The following CNTNAP4 variants were observed in gnomAD, a reference collection of about 807,000 sequenced individuals.
CNTNAP4 encodes contactin associated protein family member 4, also known as contactin-associated protein-like 4.
In CNTNAP4, 98 loss-of-function variants were observed where a neutral mutation model predicts 148.4. The ratio of observed to expected loss-of-function variants is 0.66; its 90% confidence interval spans 0.56 to 0.78. CNTNAP4 has a LOEUF of 0.78. Among genes scored for constraint, CNTNAP4 ranks in the 30% least tolerant of loss-of-function variants. The probability of loss-of-function intolerance (pLI) is 0.00; values close to 1 mark genes in which losing one functional copy is unlikely to be tolerated. For synonymous variants in CNTNAP4, 730 were observed against 565.1 expected, an observed-to-expected ratio of 1.29 and a Z score of -4.14; for missense variants, 1,935 against 1,565.6, an observed-to-expected ratio of 1.24 and a Z score of -3.98.
At chr16:76,364,354 C>G (rs897046688) in intron 3 of CNTNAP4, among the ~76,000 whole-genome samples, 9 of 150,536 alleles carry the variant, frequency 6.0e-5, no homozygotes, top group Admixed American at 2.0e-4. Flanking sequence ...TTAAATGGAT[C>G]TGTTTGTAAG....
chr16:76,521,219 G>C lies in CNTNAP4; in HGVS notation c.2445G>C (p.Ala815=). 6.2e-7 allele frequency: 1 copy of C among 1,611,732 alleles called. No homozygotes were observed. ...CTACCTTCCACGGAGAACTTAGCGC[G>C]GATGTATCTTTCTTTTTTAAGACAA... ...HFPTFHGELS[A]DVSFFFKTTA... The change falls in exon 16 of 24, where the codon GCG becomes GCC. Residue 815 remains alanine, a synonymous_variant. Transcript: ENST00000611870.
intron 3 of CNTNAP4, among the ~76,000 whole-genome samples, chr16:76,364,030 A>G (rs562338367): frequency 6.6e-6 from 1 of 152,098 alleles, no homozygotes; most frequent in South Asian, 2.1e-4. Context: ...TGAGCCCAGG[A>G]GTTTGAGACC....
At chr16:76,395,846 A>G (rs1284097077) in intron 3 of CNTNAP4, among the ~76,000 whole-genome samples, 1 of 151,864 alleles carries the variant, frequency 6.6e-6, no homozygotes, top group African/African-American at 2.4e-5. Context: ...CTCCTGCCTC[A>G]GCCTCCCTAG....
intron 22 of CNTNAP4, 22 bp from the exon 23 acceptor site, chr16:76,553,814 C>T (rs1320680858): frequency 1.9e-6 from 3 of 1,559,206 alleles, no homozygotes; most frequent in Non-Finnish European, 2.6e-6. Context: ...CACCTTCCCC[C>T]TTTGTTGTGC....
chr16:76,517,208 G>A (rs181901897), intron 15 of CNTNAP4, among the ~76,000 whole-genome samples: 21 of 152,254 alleles, frequency 1.4e-4, no homozygotes, highest in South Asian at 4.1e-4. Flanking sequence ...TTAAAGAAGG[G>A]GTAAGGAGGG....
At chr16:76,451,302 T>A (rs924969402) in intron 7 of CNTNAP4, among the ~76,000 whole-genome samples, 1 of 152,144 alleles carries the variant, frequency 6.6e-6, no homozygotes, top group Admixed American at 6.5e-5. Context: ...AGCAGACAAG[T>A]AAGGGGATCC....
intron 8 of CNTNAP4, among the ~76,000 whole-genome samples, chr16:76,460,770 AAAAATATATAT>A (rs1257931255): frequency 5.3e-5 from 4 of 75,310 alleles, no homozygotes; most frequent in Non-Finnish European, 1.2e-4. Flanking sequence ...AAAAAAAAAA[AAAAATATATAT>A]ATATATATAT....
rs1176559121 is a variant in CNTNAP4 at position 76,451,946 on chromosome 16, G to A, written c.1072-562G>A. Among the ~76,000 whole-genome samples, 10 of 152,034 alleles carry A rather than the reference G, an allele frequency of 6.6e-5. No homozygotes were observed. The East Asian group carries it at 7.7e-4, about 12-fold the overall frequency. ...AAATGATGGACATCCCAATTATCCC[G>A]ATTTGCTCATTACGTATTATATATA... On this transcript the variant is annotated intron_variant, in intron 7 of 23. Coordinates refer to ENST00000611870, the MANE Select transcript of CNTNAP4 (RefSeq NM_033401.5).
chr16:76,365,785 C>T (rs1389395131), intron 3 of CNTNAP4, among the ~76,000 whole-genome samples: 1 of 148,032 alleles, frequency 6.8e-6, no homozygotes, highest in Non-Finnish European at 1.5e-5. Flanking sequence ...AGAGAATCAT[C>T]TGGGTAATTA....
intron 8 of CNTNAP4, among the ~76,000 whole-genome samples, chr16:76,460,934 G>A (rs1232283861): frequency 1.3e-5 from 2 of 151,028 alleles, no homozygotes; most frequent in East Asian, 1.9e-4. Flanking sequence ...TCCTGGGAGC[G>A]TCTGTCACAA....
intron 1 of CNTNAP4, among the ~76,000 whole-genome samples, chr16:76,293,122 C>T (rs1044164089): frequency 2.0e-5 from 3 of 151,614 alleles, no homozygotes; most frequent in Admixed American, 6.6e-5. Flanking sequence ...TTTCTTTTTT[C>T]TTTCTTTCTT....
Position 76,343,835 on chromosome 16 carries a change from A to G in CNTNAP4, c.197-11483A>G, listed in dbSNP as rs187888143. Among the ~76,000 whole-genome samples, 266 of 152,322 alleles carry G rather than the reference A, an allele frequency of 1.7e-3. 2 individuals carry two copies. The highest frequency in any genetic ancestry group is 6.2e-3 in the African/African-American group (259 of 41,578). On this transcript the variant is annotated intron_variant, in intron 2 of 23. Coordinates refer to ENST00000611870, the MANE Select transcript of CNTNAP4 (RefSeq NM_033401.5). ...AATCTAAATGTGTTAGTCCCCGGCA[A>G]AAGTAATGGTAATGTATCATGATTT...
At chr16:76,350,194 C>G (rs533653209) in intron 2 of CNTNAP4, among the ~76,000 whole-genome samples, 5 of 151,916 alleles carry the variant, frequency 3.3e-5, no homozygotes, top group Non-Finnish European at 7.4e-5. Context: ...TGTAATTACT[C>G]CAGGGGTAAA....
Position 76,489,785 on chromosome 16 carries a change from C to T in CNTNAP4, c.1982C>T (p.Ala661Val), listed in dbSNP as rs375479437. Reference protein sequence around the residue: ...NPYAGFFEYVASMEQLQATIN... With the variant: ...NPYAGFFEYVVSMEQLQATIN... ...TATGCTGGGTTTTTCGAGTATGTGG[C>T]CAGCATGGAGCAACTTCAGGCCACT... The change falls in exon 13 of 24, where the codon GCC becomes GTC. Residue 661 changes from alanine to valine, a missense_variant. By Grantham distance (64) the Ala-to-Val change is moderately conservative. Transcript: ENST00000611870. 3 of 1,605,356 alleles carry T rather than the reference C, an allele frequency of 1.9e-6. No individual in the cohort carries two copies. In the African/African-American group the frequency reaches 4.0e-5, roughly 21 times the overall value.
intron 2 of CNTNAP4, among the ~76,000 whole-genome samples, chr16:76,332,646 C>T (rs1391016545): frequency 6.6e-6 from 1 of 152,104 alleles, no homozygotes; most frequent in Non-Finnish European, 1.5e-5. Flanking sequence ...TCCTATCCTT[C>T]TGAGATTCCC....
chr16:76,487,602 A>G (rs900021375), intron 12 of CNTNAP4, among the ~76,000 whole-genome samples: 1 of 152,188 alleles, frequency 6.6e-6, no homozygotes, highest in Non-Finnish European at 1.5e-5. Flanking sequence ...CTGGCTTTTA[A>G]GGCACCTATC....
At chr16:76,363,304 A>C in intron 3 of CNTNAP4, among the ~76,000 whole-genome samples, 1 of 151,842 alleles carries the variant, frequency 6.6e-6, no homozygotes, top group South Asian at 2.1e-4. Context: ...CAGGGATTAC[A>C]AGTGTGTGCC....
chr16:76,424,114 T>C (rs1053327591), intron 3 of CNTNAP4, among the ~76,000 whole-genome samples: 9 of 152,192 alleles, frequency 5.9e-5, no homozygotes, highest in Non-Finnish European at 7.3e-5. Context: ...ATTCTTAACG[T>C]TTTCAAAATT....
At chr16:76,489,573 T>G (rs893391970) in intron 12 of CNTNAP4, 113 bp from the exon 13 acceptor site, 2 of 531,238 alleles carry the variant, frequency 3.8e-6, no homozygotes, top group African/African-American at 3.9e-5. Context: ...GGAAGTTTGA[T>G]GACTAGAAAC....
Sources: allele counts gnomAD v4.1 joint callset (sites outside exome capture counted in the v4.1 genomes callset), GRCh38; gene constraint gnomAD v4.1.1; transcripts MANE v1.5; gene names NCBI Gene and HGNC (gene_info 2026-07-23, HGNC 2026-07-21).